MCF2L: variants seen among roughly 807,000 people sequenced by gnomAD.
MCF2L encodes the protein guanine nucleotide exchange factor DBS.
Under a neutral mutation model 153.4 loss-of-function variants are expected in MCF2L, and 97 were observed. The ratio of observed to expected loss-of-function variants is 0.63; its 90% confidence interval spans 0.54 to 0.75. The LOEUF (loss-of-function observed/expected upper bound fraction) is 0.75, where lower values mean the gene tolerates loss of function less well. Among genes scored for constraint, MCF2L ranks in the 30% least tolerant of loss-of-function variants. The pLI is 0.00. For synonymous variants in MCF2L, 659 were observed against 632.2 expected, an observed-to-expected ratio of 1.04 and a Z score of -0.64; for missense variants, 1,347 against 1,495.2, an observed-to-expected ratio of 0.90 and a Z score of 1.64.
chr13:112,949,103 G>A (rs1314551770), intron 2 of MCF2L, among the ~76,000 whole-genome samples: 2 of 152,118 alleles, frequency 1.3e-5, no homozygotes, highest in African/African-American at 4.8e-5. Flanking sequence ...GGATAATAAG[G>A]GAAAAAACTG....
At position 112,969,305 on chromosome 13, in the gene MCF2L, C is replaced by T; in HGVS notation, c.-75C>T. 1 of 1,535,522 alleles carries T rather than the reference C, an allele frequency of 6.5e-7. No homozygotes were observed. Among genetic ancestry groups the T allele is most frequent in the Non-Finnish European group, 8.8e-7 (1 of 1,137,426 alleles). ...GCCTCCGCCGCGCCCCCTCCGCACT[C>T]GCACGGCCCCACCCGCAGGCGCCCC... On this transcript the variant is annotated 5_prime_UTR_variant, in exon 1 of 30. Transcript: ENST00000535094. This position sits in a 1 kb window ranked among gnomAD's most constrained non-coding sequence, Gnocchi z 4.8.
intron 1 of MCF2L, among the ~76,000 whole-genome samples, chr13:113,002,877 G>A (rs1230796851): frequency 6.6e-6 from 1 of 152,086 alleles, no homozygotes; most frequent in Non-Finnish European, 1.5e-5. Context: ...CAATTTTAAA[G>A]TAAAGAACTG....
At chr13:112,924,658 G>C (rs1290095780) in intron 2 of MCF2L, among the ~76,000 whole-genome samples, 1 of 152,174 alleles carries the variant, frequency 6.6e-6, no homozygotes, top group East Asian at 1.9e-4. Context: ...AAAGACATCA[G>C]TTCTCCCTGA....
chr13:112,929,619 G>C (rs955866227), intron 2 of MCF2L, among the ~76,000 whole-genome samples: 1 of 152,236 alleles, frequency 6.6e-6, no homozygotes, highest in African/African-American at 2.4e-5. Flanking sequence ...CTCCACAGCA[G>C]GTGTCAGAAT....
In MCF2L at chr13:113,089,747, C is replaced by G. The variant is rs201409948; in HGVS notation, c.2953+19C>G. On this transcript the variant is annotated intron_variant, in intron 26 of 29. Coordinates refer to ENST00000535094, the MANE Select transcript of MCF2L (RefSeq NM_001112732.3). ...GGCAAAGGTGGGTATGTGCAGGGAC[C>G]GGGCCTCACACGGAGGCCTCACACG... 6.2e-7 allele frequency: 1 copy of G among 1,605,588 alleles called. No homozygotes were observed. Among genetic ancestry groups the G allele is most frequent in the Admixed American group, 1.7e-5 (1 of 59,770 alleles).
intron 26 of MCF2L, chr13:113,091,161 A>G (rs1427502029): frequency 7.7e-7 from 1 of 1,301,162 alleles, no homozygotes; most frequent in South Asian, 1.2e-5. Context: ...AGCGGCATGA[A>G]GTAAAGAGCG....
At chr13:112,970,295 T>C (rs1483409428) in intron 1 of MCF2L, among the ~76,000 whole-genome samples, 1 of 152,196 alleles carries the variant, frequency 6.6e-6, no homozygotes, top group Non-Finnish European at 1.5e-5. Flanking sequence ...GAGATTAAAA[T>C]GTCAGTTGCT....
chr13:112,958,475 C>T (rs1043987052), intron 2 of MCF2L, among the ~76,000 whole-genome samples: 8 of 152,216 alleles, frequency 5.3e-5, no homozygotes, highest in Admixed American at 6.5e-5. Context: ...TAATCAGCCA[C>T]ATCCACACGA....
intron 12 of MCF2L, 62 bp from the exon 13 acceptor site, chr13:113,076,990 C>T (rs893994012): frequency 1.9e-6 from 3 of 1,542,636 alleles, no homozygotes; most frequent in Non-Finnish European, 2.6e-6. Context: ...CTGCGCCTGA[C>T]TGTGTATTTT....
chr13:112,978,185 G>A (rs1316852853), intron 1 of MCF2L, among the ~76,000 whole-genome samples: 1 of 152,210 alleles, frequency 6.6e-6, no homozygotes, highest in Non-Finnish European at 1.5e-5. Context: ...GACCTGTCCT[G>A]GGCTTGCACA....
At chr13:112,994,214 G>A (rs965150523) in intron 1 of MCF2L, among the ~76,000 whole-genome samples, 3 of 151,496 alleles carry the variant, frequency 2.0e-5, no homozygotes, top group Non-Finnish European at 4.4e-5. Flanking sequence ...AACGGGGCAC[G>A]GTGCGTGGGA....
At chr13:113,066,379 C>A (rs2032364116) in intron 8 of MCF2L, among the ~76,000 whole-genome samples, 1 of 152,206 alleles carries the variant, frequency 6.6e-6, no homozygotes, top group Admixed American at 6.5e-5. Flanking sequence ...TCTCTCGAAC[C>A]CCACAGAAAG....
At chr13:113,043,856 C>T (rs1270586203) in intron 3 of MCF2L, 1 of 152,354 alleles carries the variant, frequency 6.6e-6, no homozygotes, top group Non-Finnish European at 1.5e-5. Context: ...CGCCACCACA[C>T]TCAGCTAATC....
intron 27 of MCF2L, 114 bp downstream of exon 27, chr13:113,094,749 T>A: frequency 3.0e-6 from 4 of 1,351,462 alleles, no homozygotes; most frequent in Middle Eastern, 2.7e-4. Flanking sequence ...CAGCTCCTCC[T>A]AACCCTGGAA....
In MCF2L at chr13:113,064,916, G is replaced by C; in HGVS notation, c.607-20G>C. 1 of 1,607,004 alleles carries C rather than the reference G, an allele frequency of 6.2e-7. No individual in the cohort carries two copies. The highest frequency in any genetic ancestry group is 8.5e-7 in the Non-Finnish European group (1 of 1,176,538). Reference sequence around the variant, plus strand: ...GGTGCAGTGCACAAGGCATGCAATTGTGTTTTCTCTGTCCCCAAGGCCATC... The same window carrying C: ...GGTGCAGTGCACAAGGCATGCAATTCTGTTTTCTCTGTCCCCAAGGCCATC... On this transcript the variant is annotated intron_variant, in intron 6 of 29. Transcript: ENST00000535094. The surrounding 1 kb of genome is among the most constrained non-coding windows in gnomAD (Gnocchi z 6.0).
At chr13:113,036,460 C>T (rs1389823568) in intron 3 of MCF2L, among the ~76,000 whole-genome samples, 3 of 152,290 alleles carry the variant, frequency 2.0e-5, no homozygotes, top group Middle Eastern at 3.4e-3. Flanking sequence ...ACGAGCTTTG[C>T]GTGAGATGCC....
At chr13:112,922,760 G>A (rs571131342) in intron 2 of MCF2L, among the ~76,000 whole-genome samples, 2 of 152,332 alleles carry the variant, frequency 1.3e-5, no homozygotes, top group South Asian at 2.1e-4. Flanking sequence ...GCTTGAACCT[G>A]GGAGGCGGAG....
intron 1 of MCF2L, among the ~76,000 whole-genome samples, chr13:112,970,672 C>T (rs538820308): frequency 6.6e-6 from 1 of 152,054 alleles, no homozygotes; most frequent in African/African-American, 2.4e-5. Context: ...CATGCCTCTG[C>T]GTGCCGTTCG....
chr13:112,965,724 C>T (rs1423216801), upstream of MCF2L: 1 of 152,270 alleles, frequency 6.6e-6, no homozygotes, highest in Non-Finnish European at 1.5e-5. Flanking sequence ...TCCCATTTCT[C>T]ACCTCCGCTT....
Sources: allele counts gnomAD v4.1 joint callset (sites outside exome capture counted in the v4.1 genomes callset), GRCh38; gene constraint gnomAD v4.1.1; non-coding constraint Gnocchi (gnomAD v3.1); transcripts MANE v1.5; gene names NCBI Gene and HGNC (gene_info 2026-07-23, HGNC 2026-07-21).